ZNF521: variants seen among roughly 807,000 people sequenced by gnomAD.
ZNF521 encodes zinc finger protein 521.
Under a neutral mutation model 105.5 loss-of-function variants are expected in ZNF521, and 14 were observed. The ratio of observed to expected loss-of-function variants is 0.13; its 90% CI spans 0.09 to 0.21. The LOEUF is 0.21. Among genes scored for constraint, ZNF521 ranks in the 10% least tolerant of loss-of-function variants. The pLI, the probability that ZNF521 is intolerant of heterozygous loss-of-function variation, is 1.00. For synonymous variants in ZNF521, 635 were observed against 606.0 expected (o/e 1.05, Z -0.70); for missense variants, 1,233 against 1,629.7 (o/e 0.76, Z 4.19).
At chr18:25,244,410 G>A (rs1363058945) in intron 3 of ZNF521, among the ~76,000 whole-genome samples, 1 of 152,018 alleles carries the variant, frequency 6.6e-6, no homozygotes, top group African/African-American at 2.4e-5. Flanking sequence ...TTGCTTTCAG[G>A]AAGCCTAAGA....
At chr18:25,212,538 AATATATATATATATAT>A (rs1279194731) in intron 4 of ZNF521, among the ~76,000 whole-genome samples, 11 of 48,142 alleles carry the variant, frequency 2.3e-4, no homozygotes, top group East Asian at 6.5e-4. Flanking sequence ...AAAAAAAAAA[AATATATATATATATAT>A]ATATATATAT....
chr18:25,083,754 T>TATTTTG (rs1555632305), intron 7 of ZNF521, among the ~76,000 whole-genome samples: 171 of 148,398 alleles, frequency 1.2e-3, no homozygotes, highest in Non-Finnish European at 9.1e-4. Flanking sequence ...CATATATATA[T>TATTTTG]TTTGTTTGTT....
chr18:25,110,572 G>C (rs1015015776), intron 5 of ZNF521, among the ~76,000 whole-genome samples: 5 of 151,824 alleles, frequency 3.3e-5, no homozygotes, highest in African/African-American at 9.7e-5. Flanking sequence ...ATTCTTCTTT[G>C]TATCCTCAAA....
At chr18:25,117,602 T>C (rs2034354642) in intron 5 of ZNF521, among the ~76,000 whole-genome samples, 1 of 152,042 alleles carries the variant, frequency 6.6e-6, no homozygotes, top group African/African-American at 2.4e-5. Flanking sequence ...GGGTATCAAA[T>C]GGAAATTCTT....
intron 3 of ZNF521, among the ~76,000 whole-genome samples, chr18:25,266,161 T>C (rs1909236684): frequency 6.6e-6 from 1 of 152,142 alleles, no homozygotes; most frequent in African/African-American, 2.4e-5. Flanking sequence ...AAAACTTAAC[T>C]GTATATTTTA....
intron 7 of ZNF521, among the ~76,000 whole-genome samples, chr18:25,078,072 T>C (rs1250104940): frequency 6.6e-6 from 1 of 152,194 alleles, no homozygotes; most frequent in African/African-American, 2.4e-5. Flanking sequence ...TCAGTGCCAG[T>C]CTGCGGGAGA....
chr18:25,121,466 T>C (rs1236147902), intron 5 of ZNF521, among the ~76,000 whole-genome samples: 1 of 152,016 alleles, frequency 6.6e-6, no homozygotes, highest in African/African-American at 2.4e-5. Context: ...TTGGCCAGGC[T>C]GGTCTCAAAC....
intron 3 of ZNF521, among the ~76,000 whole-genome samples, chr18:25,288,433 CT>C (rs1257020345): frequency 6.6e-6 from 1 of 152,146 alleles, no homozygotes; most frequent in Non-Finnish European, 1.5e-5. Context: ...ACCCTCAACT[CT>C]TTCCTTTCGG....
At chr18:25,162,397 T>C (rs1464211535) in intron 5 of ZNF521, among the ~76,000 whole-genome samples, 2 of 152,240 alleles carry the variant, frequency 1.3e-5, no homozygotes, top group African/African-American at 2.4e-5. Flanking sequence ...TTATAATGTA[T>C]GGATACGGAA....
chr18:25,173,123 C>T (rs1022978704), intron 5 of ZNF521, among the ~76,000 whole-genome samples: 6 of 152,164 alleles, frequency 3.9e-5, no homozygotes, highest in Admixed American at 1.3e-4. Context: ...AATCTGAGTG[C>T]GTCCTACAGT....
chr18:25,279,731 T>C (rs989968626), intron 3 of ZNF521, among the ~76,000 whole-genome samples: 3 of 152,202 alleles, frequency 2.0e-5, no homozygotes, highest in South Asian at 2.1e-4. Flanking sequence ...TAATAAATAC[T>C]GAATAATGTA....
chr18:25,319,910 G>A (rs1912845956), intron 3 of ZNF521, among the ~76,000 whole-genome samples: 1 of 152,026 alleles, frequency 6.6e-6, no homozygotes, highest in South Asian at 2.1e-4. Flanking sequence ...TTAATCCTTG[G>A]GAAACATCAG....
chr18:25,262,335 A>G (rs1454135571), intron 3 of ZNF521, among the ~76,000 whole-genome samples: 2 of 152,222 alleles, frequency 1.3e-5, no homozygotes, highest in African/African-American at 4.8e-5. Context: ...GTACTCTTTT[A>G]TAGAAATTCC....
intron 3 of ZNF521, among the ~76,000 whole-genome samples, chr18:25,288,200 T>TC (rs1337144768): frequency 6.6e-6 from 1 of 152,288 alleles, no homozygotes; most frequent in South Asian, 2.1e-4. Context: ...TTTGGATTTT[T>TC]CCCCCAACTG....
intron 4 of ZNF521, among the ~76,000 whole-genome samples, chr18:25,223,350 G>C (rs988602507): frequency 6.6e-6 from 1 of 152,166 alleles, no homozygotes; most frequent in African/African-American, 2.4e-5. Context: ...TTCTCAGCCC[G>C]CCCCTGCCAG....
chr18:25,300,990 C>T (rs1176310002), intron 3 of ZNF521, among the ~76,000 whole-genome samples: 1 of 152,160 alleles, frequency 6.6e-6, no homozygotes, highest in Non-Finnish European at 1.5e-5. Flanking sequence ...AATGCAACAG[C>T]TATAAGAGAA....
intron 5 of ZNF521, among the ~76,000 whole-genome samples, chr18:25,166,022 C>T (rs182207619): frequency 7.4e-4 from 112 of 152,236 alleles, no homozygotes; most frequent in African/African-American, 2.4e-3. Flanking sequence ...AACCACCAAC[C>T]GCTTCTAGTC....
chr18:25,276,238 A>G (rs867709452), intron 3 of ZNF521, among the ~76,000 whole-genome samples: 3 of 148,498 alleles, frequency 2.0e-5, no homozygotes, highest in Middle Eastern at 3.4e-3. Flanking sequence ...CACCCACCCC[A>G]GACAGAAAGT....
intron 3 of ZNF521, among the ~76,000 whole-genome samples, chr18:25,284,206 TAAAG>T (rs1489535189): frequency 6.6e-6 from 1 of 152,080 alleles, no homozygotes; most frequent in Non-Finnish European, 1.5e-5. Flanking sequence ...CCAGAGATAA[TAAAG>T]AACAGAAATG....
Sources: allele counts gnomAD v4.1 joint callset (sites outside exome capture counted in the v4.1 genomes callset), GRCh38; gene constraint gnomAD v4.1.1; transcripts MANE v1.5; gene names NCBI Gene and HGNC (gene_info 2026-07-23, HGNC 2026-07-21).